LHCGR: variants seen among roughly 807,000 people sequenced by gnomAD.
The protein encoded by LHCGR is lutropin-choriogonadotropic hormone receptor.
A neutral mutation model predicts 60.7 loss-of-function variants in LHCGR; 55 were observed. That is an observed-to-expected ratio of 0.91 (90% confidence interval 0.73 to 1.13). The LOEUF (loss-of-function observed/expected upper bound fraction) is 1.13. LHCGR is among the 50% of genes most tolerant of loss of function. LHCGR has a pLI of 0.00. For missense variants in LHCGR, 862 were observed against 836.0 expected, an observed-to-expected ratio of 1.03 and a Z score of -0.38; for synonymous variants, 337 against 316.5, an observed-to-expected ratio of 1.06 and a Z score of -0.69.
At position 48,688,813 on chromosome 2, in the gene LHCGR, G is replaced by T. The variant is rs1253788551; in HGVS notation, c.984C>A (p.Gly328=). 1.2e-6 allele frequency: 2 copies of T among 1,614,078 alleles called. No homozygotes were observed. Among genetic ancestry groups the T allele is most frequent in the Admixed American group, 3.3e-5 (2 of 60,024 alleles). Reference sequence around the variant, plus strand: ...AGCAGAAACCATATTCATAGTCCCAGCCACTCAGTTCACTCTCAGCAAGCA... The same window carrying T: ...AGCAGAAACCATATTCATAGTCCCATCCACTCAGTTCACTCTCAGCAAGCA... ...SSMLAESELS[G]WDYEYGFCLP... Residue 328 remains glycine, a synonymous_variant, in exon 11 of 11, where the codon GGC becomes GGA. Coordinates refer to ENST00000294954, the MANE Select transcript of LHCGR (RefSeq NM_000233.4). The surrounding 1 kb of genome is among the most constrained non-coding windows in gnomAD (Gnocchi z 5.2).
At chr2:48,697,454 G>A (rs185296294) in intron 9 of LHCGR, among the ~76,000 whole-genome samples, 8 of 152,198 alleles carry the variant, frequency 5.3e-5, no homozygotes, top group Non-Finnish European at 1.5e-5. Flanking sequence ...CTTTCACACA[G>A]TATTTGAAAC....
At chr2:48,732,562 A>G (rs1669043494) in intron 1 of LHCGR, among the ~76,000 whole-genome samples, 1 of 152,184 alleles carries the variant, frequency 6.6e-6, no homozygotes, top group Non-Finnish European at 1.5e-5. Flanking sequence ...TTGGGTCACA[A>G]AGAGACTAAG....
At chr2:48,704,950 C>T (rs1667590387) in intron 8 of LHCGR, among the ~76,000 whole-genome samples, 1 of 152,084 alleles carries the variant, frequency 6.6e-6, no homozygotes, top group Admixed American at 6.6e-5. Flanking sequence ...TGTGTTTGCT[C>T]TTGCTTCTCT....
intron 7 of LHCGR, among the ~76,000 whole-genome samples, chr2:48,709,525 T>G (rs1036544594): frequency 2.6e-5 from 4 of 152,228 alleles, no homozygotes; most frequent in Non-Finnish European, 2.9e-5. Flanking sequence ...TTTGCATTCT[T>G]TTTCTTTCAG....
At chr2:48,722,903 G>A (rs1234600319) in intron 6 of LHCGR, among the ~76,000 whole-genome samples, 1 of 152,104 alleles carries the variant, frequency 6.6e-6, no homozygotes, top group Non-Finnish European at 1.5e-5. Context: ...CTGGTAACCT[G>A]ACGAGTAACT....
At chr2:48,735,269 A>G (rs1200700386) in intron 1 of LHCGR, among the ~76,000 whole-genome samples, 1 of 152,216 alleles carries the variant, frequency 6.6e-6, no homozygotes, top group Non-Finnish European at 1.5e-5. Flanking sequence ...CATTCATCCT[A>G]GTACTGGGAT....
intron 8 of LHCGR, among the ~76,000 whole-genome samples, chr2:48,706,700 T>C (rs1667696777): frequency 6.6e-6 from 1 of 152,246 alleles, no homozygotes; most frequent in Non-Finnish European, 1.5e-5. Context: ...AGCTTGTGTA[T>C]GCTTCACGAA....
intron 1 of LHCGR, among the ~76,000 whole-genome samples, chr2:48,732,661 A>G (rs1669048788): frequency 6.6e-6 from 1 of 152,064 alleles, no homozygotes. Context: ...TCTTAATCCC[A>G]TGTCTTGGTG....
chr2:48,705,608 C>T (rs1221739564), intron 8 of LHCGR, among the ~76,000 whole-genome samples: 1 of 152,140 alleles, frequency 6.6e-6, no homozygotes, highest in Non-Finnish European at 1.5e-5. Flanking sequence ...GGAGAGTTAG[C>T]TCTTCTTATT....
intron 4 of LHCGR, among the ~76,000 whole-genome samples, chr2:48,724,507 T>A (rs1171626734): frequency 6.6e-6 from 1 of 152,164 alleles, no homozygotes; most frequent in Non-Finnish European, 1.5e-5. Context: ...CTCCTTCTTA[T>A]CCAAAAGCCC....
intron 6 of LHCGR, among the ~76,000 whole-genome samples, chr2:48,722,525 C>G (rs1668545990): frequency 6.6e-6 from 1 of 152,076 alleles, no homozygotes; most frequent in African/African-American, 2.4e-5. Flanking sequence ...CACCATCCCC[C>G]TAGTGCTGTT....
intron 10 of LHCGR, among the ~76,000 whole-genome samples, chr2:48,693,556 A>G (rs1666967860): frequency 6.6e-6 from 1 of 152,226 alleles, no homozygotes; most frequent in African/African-American, 2.4e-5. Flanking sequence ...CTAGTTTTGT[A>G]GTCTGGAGGA....
At chr2:48,705,814 T>A (rs1477265282) in intron 8 of LHCGR, among the ~76,000 whole-genome samples, 2 of 152,168 alleles carry the variant, frequency 1.3e-5, no homozygotes, top group Non-Finnish European at 2.9e-5. Flanking sequence ...GTCTCCTGAA[T>A]ACAGCACACT....
At chr2:48,742,835 C>A (rs1306475478) in intron 1 of LHCGR, among the ~76,000 whole-genome samples, 1 of 151,474 alleles carries the variant, frequency 6.6e-6, no homozygotes, top group Admixed American at 6.6e-5. Context: ...CAAGAAATAA[C>A]TAAAATCAGA....
At chr2:48,694,909 A>T (rs919066938) in intron 9 of LHCGR, among the ~76,000 whole-genome samples, 1 of 152,188 alleles carries the variant, frequency 6.6e-6, no homozygotes, top group African/African-American at 2.4e-5. Context: ...ACTTACCTAG[A>T]GATGAAATTT....
intron 3 of LHCGR, among the ~76,000 whole-genome samples, chr2:48,728,113 G>C (rs1668828757): frequency 6.6e-6 from 1 of 150,734 alleles, no homozygotes; most frequent in Non-Finnish European, 1.5e-5. Context: ...AAACTCATCA[G>C]CTATTGTTAG....
chr2:48,711,333 G>A (rs1321860684), intron 7 of LHCGR, among the ~76,000 whole-genome samples: 8 of 152,188 alleles, frequency 5.3e-5, no homozygotes, highest in Middle Eastern at 3.4e-3. Context: ...TTTTCTGATA[G>A]AACAGAAACT....
At chr2:48,692,203 C>T (rs1323660350) in intron 10 of LHCGR, among the ~76,000 whole-genome samples, 1 of 152,188 alleles carries the variant, frequency 6.6e-6, no homozygotes, top group Non-Finnish European at 1.5e-5. Flanking sequence ...AAATAATAGC[C>T]TTTGTTAAAT....
intron 6 of LHCGR, among the ~76,000 whole-genome samples, chr2:48,722,840 A>G (rs1177892966): frequency 6.6e-6 from 1 of 152,216 alleles, no homozygotes. Flanking sequence ...GCTGAAGATC[A>G]TGGCTCATAG....
Sources: gnomAD v4.1 joint callset for allele counts (sites outside exome capture counted in the v4.1 genomes callset) on GRCh38, gnomAD v4.1.1 for gene constraint, Gnocchi (gnomAD v3.1) non-coding constraint, MANE v1.5 for transcripts, NCBI Gene and HGNC (gene_info 2026-07-23, HGNC 2026-07-21) for gene names.